Variants in ATP9B observed in about 807,000 individuals in gnomAD.
ATP9B encodes the protein ATPase phospholipid transporting 9B, also known as probable phospholipid-transporting ATPase IIB.
In ATP9B, 110 loss-of-function variants were observed where a neutral mutation model predicts 146.1. The ratio of observed to expected loss-of-function variants is 0.75; its 90% CI spans 0.65 to 0.88. ATP9B has a LOEUF of 0.88. Among genes scored for constraint, ATP9B ranks in the 40% least tolerant of loss-of-function variants. The probability of loss-of-function intolerance (pLI) is 0.00; values close to 1 mark genes in which losing one functional copy is unlikely to be tolerated. For missense variants in ATP9B, 1,499 were observed against 1,496.4 expected, an observed-to-expected ratio of 1.00 and a Z score of -0.03; for synonymous variants, 604 against 569.7, an observed-to-expected ratio of 1.06 and a Z score of -0.86.
At chr18:79,256,280 T>TAC (rs1285696658) in intron 12 of ATP9B, among the ~76,000 whole-genome samples, 2 of 129,168 alleles carry the variant, frequency 1.5e-5, no homozygotes, top group African/African-American at 2.8e-5. Context: ...TATATATATA[T>TAC]ATATATACAT....
chr18:79,300,074 G>A (rs2096580006), intron 13 of ATP9B: 1 of 152,436 alleles, frequency 6.6e-6, no homozygotes, highest in African/African-American at 2.4e-5. Flanking sequence ...TAGCACTGCT[G>A]GGGAAGGTAG....
chr18:79,177,027 C>A (rs766186365), intron 8 of ATP9B, 120 bp downstream of exon 8: 53 of 798,234 alleles, frequency 6.6e-5, no homozygotes, highest in Non-Finnish European at 9.4e-5. Context: ...TTTATAATTT[C>A]TTTATTCCTC....
chr18:79,148,637 CTGAA>C (rs1159244632), intron 6 of ATP9B, among the ~76,000 whole-genome samples: 3 of 152,162 alleles, frequency 2.0e-5, no homozygotes, highest in South Asian at 4.1e-4. Flanking sequence ...TGGTGTAAGA[CTGAA>C]TGCCTCCTCT....
At chr18:79,092,298 G>C (rs977965847) in intron 1 of ATP9B, among the ~76,000 whole-genome samples, 1 of 152,112 alleles carries the variant, frequency 6.6e-6, no homozygotes, top group Middle Eastern at 3.2e-3. Context: ...ATAGCCTATT[G>C]CTCCTAGGCT....
intron 4 of ATP9B, among the ~76,000 whole-genome samples, chr18:79,124,724 G>C (rs1459883447): frequency 6.6e-6 from 1 of 152,230 alleles, no homozygotes; most frequent in Non-Finnish European, 1.5e-5. Context: ...AGGGGTTTGG[G>C]GAGAGCACTG....
intron 8 of ATP9B, among the ~76,000 whole-genome samples, chr18:79,191,687 T>G (rs1299813021): frequency 6.6e-6 from 1 of 152,240 alleles, no homozygotes; most frequent in Admixed American, 6.5e-5. Flanking sequence ...CTTTCTTTGT[T>G]GTGATTTCCT....
At chr18:79,257,968 A>G (rs2145210784) in intron 12 of ATP9B, among the ~76,000 whole-genome samples, 1 of 152,250 alleles carries the variant, frequency 6.6e-6, no homozygotes, top group South Asian at 2.1e-4. Context: ...GACTTTTATT[A>G]CATTTTAGTG....
chr18:79,361,709 A>G, intron 26 of ATP9B: 2 of 935,030 alleles, frequency 2.1e-6, no homozygotes, highest in South Asian at 9.9e-5. Context: ...CTAAAGAACT[A>G]TTTTGAAGCT....
At chr18:79,276,919 G>A in intron 12 of ATP9B, 135 bp from the exon 13 acceptor site, 1 of 1,392,884 alleles carries the variant, frequency 7.2e-7, no homozygotes, top group African/African-American at 1.4e-5. Flanking sequence ...GGTTTTATCT[G>A]GCAGTTTGGG....
chr18:79,097,061 G>T (rs1347299446), intron 2 of ATP9B, among the ~76,000 whole-genome samples: 1 of 151,846 alleles, frequency 6.6e-6, no homozygotes, highest in Non-Finnish European at 1.5e-5. Context: ...GGGAGGCTGA[G>T]GCAGGAGAAT....
intron 13 of ATP9B, among the ~76,000 whole-genome samples, chr18:79,291,169 C>CTT (rs529534002): frequency 6.8e-6 from 1 of 146,322 alleles, no homozygotes; most frequent in African/African-American, 2.5e-5. Flanking sequence ...AGAGCTGCAG[C>CTT]TTTTTTTTTT....
chr18:79,172,089 A>G (rs541185166), intron 7 of ATP9B, among the ~76,000 whole-genome samples: 39 of 152,182 alleles, frequency 2.6e-4, no homozygotes, highest in Non-Finnish European at 4.9e-4. Flanking sequence ...GGGTTTCACC[A>G]TGCTGTTCAG....
chr18:79,137,714 T>TG (rs1456024382), intron 5 of ATP9B, among the ~76,000 whole-genome samples: 1 of 152,230 alleles, frequency 6.6e-6, no homozygotes, highest in Non-Finnish European at 1.5e-5. Flanking sequence ...TGCTCTTAGA[T>TG]GCCTGTTCGT....
At chr18:79,072,556 CACAG>C in intron 1 of ATP9B, among the ~76,000 whole-genome samples, 1 of 144,706 alleles carries the variant, frequency 6.9e-6, no homozygotes, top group Non-Finnish European at 1.6e-5. Context: ...CTTCTTTCTA[CACAG>C]ACACAGTAAC....
At chr18:79,189,658 T>C (rs530365467) in intron 8 of ATP9B, among the ~76,000 whole-genome samples, 14 of 152,272 alleles carry the variant, frequency 9.2e-5, no homozygotes, top group African/African-American at 2.9e-4. Flanking sequence ...AATACACTTA[T>C]ATAGTACAGT....
At chr18:79,316,674 C>G (rs1378322219) in intron 15 of ATP9B, among the ~76,000 whole-genome samples, 1 of 152,062 alleles carries the variant, frequency 6.6e-6, no homozygotes, top group African/African-American at 2.4e-5. Flanking sequence ...GGTACCCTCA[C>G]CAGATGCCAT....
At chr18:79,289,131 C>T (rs2096475160) in intron 13 of ATP9B, among the ~76,000 whole-genome samples, 1 of 152,052 alleles carries the variant, frequency 6.6e-6, no homozygotes, top group East Asian at 1.9e-4. Context: ...TTGTGGAGTT[C>T]TCTGTATTTC....
At chr18:79,281,547 G>A (rs937578097) in intron 13 of ATP9B, among the ~76,000 whole-genome samples, 1 of 151,718 alleles carries the variant, frequency 6.6e-6, no homozygotes, top group Non-Finnish European at 1.5e-5. Flanking sequence ...AAAGAGAAGA[G>A]AAACATAGAT....
Position 79,253,384 on chromosome 18 carries a change from G to T in ATP9B, c.1111G>T (p.Gly371Cys), listed in dbSNP as rs756963183. 1.5e-5 allele frequency: 24 copies of T among 1,603,950 alleles called. No homozygotes were observed. The highest frequency in any genetic ancestry group is 2.0e-5 in the Non-Finnish European group (24 of 1,177,434). The change falls in exon 12 of 30, where the codon GGT (glycine) becomes TGT (cysteine). Residue 371 changes from glycine to cysteine, a missense_variant. Gly to Cys is a radical substitution (Grantham distance 159). Coordinates refer to ENST00000426216, the MANE Select transcript of ATP9B (RefSeq NM_198531.5). ...GTATTATGTGTTTTTCTTTCAGGTT[G>T]GTTTGTTGGACCTTGAACTCAATCG... ...MNTSNPKNKV[G>C]LLDLELNRLT...
Sources: gnomAD v4.1 joint callset for allele counts (sites outside exome capture counted in the v4.1 genomes callset) on GRCh38, gnomAD v4.1.1 for gene constraint, MANE v1.5 for transcripts, NCBI Gene and HGNC (gene_info 2026-07-23, HGNC 2026-07-21) for gene names.